PARD3B: variants seen among roughly 807,000 people sequenced by gnomAD.
PARD3B encodes partitioning defective 3 homolog B.
Under a neutral mutation model 130.2 loss-of-function variants are expected in PARD3B, and 103 were observed. That is an observed-to-expected ratio of 0.79 (90% CI 0.67 to 0.93). PARD3B has a LOEUF of 0.93. PARD3B is among the 40% of genes least tolerant of loss of function. The pLI is 0.00. For synonymous variants in PARD3B, 583 were observed against 553.2 expected, an observed-to-expected ratio of 1.05 and a Z score of -0.76; for missense variants, 1,609 against 1,499.2, an observed-to-expected ratio of 1.07 and a Z score of -1.21.
intron 2 of PARD3B, 125 bp from the exon 3 acceptor site, chr2:204,965,027 A>T (rs1232423362): frequency 5.2e-6 from 4 of 775,908 alleles, no homozygotes; most frequent in Non-Finnish European, 8.1e-6. Context: ...GTATAGTAAC[A>T]TTAACATTTT....
intron 2 of PARD3B, among the ~76,000 whole-genome samples, chr2:204,859,113 A>G (rs1465130636): frequency 2.0e-5 from 3 of 152,106 alleles, no homozygotes; most frequent in Non-Finnish European, 2.9e-5. Context: ...AGGCAAAAAA[A>G]TATGACATTG....
At position 205,105,216 on chromosome 2, in the gene PARD3B, A is replaced by G. The variant is rs978411062; in HGVS notation, c.593+702A>G. ...GTATTAAAATCTTATTCAGAGGGTT[A>G]GTATGGGTATTAAATGAGTTAATAC... is the stretch of plus-strand genomic sequence containing the variant. On this transcript the variant is annotated intron_variant, in intron 5 of 22. Coordinates refer to ENST00000406610, the MANE Select transcript of PARD3B (RefSeq NM_001302769.2). The surrounding 1 kb of genome is among the most constrained non-coding windows in gnomAD (Gnocchi z 4.0). Among the ~76,000 whole-genome samples the G allele has an allele frequency of 6.6e-6, 1 of 152,238 alleles. No homozygotes were observed. Among genetic ancestry groups the G allele is most frequent in the African/African-American group, 2.4e-5 (1 of 41,464 alleles).
At chr2:204,815,101 C>T (rs2043099810) in intron 2 of PARD3B, among the ~76,000 whole-genome samples, 1 of 151,736 alleles carries the variant, frequency 6.6e-6, no homozygotes, top group African/African-American at 2.4e-5. Context: ...TTCTCATATA[C>T]TTTTCTGGAA....
At chr2:205,362,173 A>C (rs908353227) in intron 18 of PARD3B, among the ~76,000 whole-genome samples, 2 of 152,198 alleles carry the variant, frequency 1.3e-5, no homozygotes, top group African/African-American at 4.8e-5. Context: ...GCTGACTCAG[A>C]TGTTTTATAT....
chr2:204,809,946 T>C (rs770545000), intron 2 of PARD3B, among the ~76,000 whole-genome samples: 6 of 152,130 alleles, frequency 3.9e-5, no homozygotes, highest in Non-Finnish European at 8.8e-5. Flanking sequence ...ATTGTAGAGA[T>C]CTTTCACCTC....
chr2:205,190,461 C>G (rs1251667853), intron 14 of PARD3B, among the ~76,000 whole-genome samples: 3 of 152,134 alleles, frequency 2.0e-5, no homozygotes, highest in Non-Finnish European at 4.4e-5. Flanking sequence ...AAAAGCAAAC[C>G]TAAAATGTAA....
chr2:205,033,075 C>T (rs1457605794), intron 3 of PARD3B, among the ~76,000 whole-genome samples: 2 of 152,158 alleles, frequency 1.3e-5, no homozygotes, highest in Non-Finnish European at 2.9e-5. Flanking sequence ...GTTCTCAACT[C>T]ACTGGGGGCT....
chr2:205,108,435 G>A (rs971766), intron 5 of PARD3B, among the ~76,000 whole-genome samples: 149,956 of 152,232 alleles, frequency 0.99, 73,907 homozygotes, highest in Middle Eastern at 1. Context: ...TCTGTCTCCT[G>A]TACACAGCAC....
chr2:205,584,475 C>T lies in PARD3B; in HGVS notation c.3261-30981C>T, dbSNP rs1183779503. Among the ~76,000 whole-genome samples, 5 of 152,186 alleles carry T rather than the reference C, an allele frequency of 3.3e-5. No homozygotes were observed. Among genetic ancestry groups the T allele is most frequent in the South Asian group, 4.2e-4 (2 of 4,810 alleles). On this transcript the variant is annotated intron_variant, in intron 22 of 22. Coordinates refer to ENST00000406610, the MANE Select transcript of PARD3B (RefSeq NM_001302769.2). The surrounding 1 kb of genome is among the most constrained non-coding windows in gnomAD (Gnocchi z 5.5). ...GGCCGATCACCTGACGTCAGGAGTT[C>T]GAGACCAGGCTGGCCAACATAGCGA...
At chr2:204,722,342 G>A (rs2039033984) in intron 2 of PARD3B, among the ~76,000 whole-genome samples, 1 of 152,122 alleles carries the variant, frequency 6.6e-6, no homozygotes. Context: ...TGTCTTTCTT[G>A]TATCTTGGGA....
chr2:205,155,539 T>C (rs1021400008), intron 10 of PARD3B, among the ~76,000 whole-genome samples: 2 of 152,228 alleles, frequency 1.3e-5, no homozygotes, highest in Non-Finnish European at 2.9e-5. Context: ...ATAAAAAAAT[T>C]TTGATTTGTC....
chr2:205,030,650 T>A (rs895097903), intron 3 of PARD3B, among the ~76,000 whole-genome samples: 2 of 152,142 alleles, frequency 1.3e-5, no homozygotes, highest in East Asian at 3.8e-4. Context: ...ATTAAAAGAC[T>A]GTTTGATACC....
Position 205,315,958 on chromosome 2 carries a change from C to T in PARD3B, c.2630+14257C>T, listed in dbSNP as rs565124257. On this transcript the variant is annotated intron_variant, in intron 18 of 22. Transcript: ENST00000406610. ...CTTGGTTTTTAGTTTTGAGTTTACACATCTGTCTCGTGCCCTTAATGAAAT... is the reference window on the plus strand; with the variant it reads ...CTTGGTTTTTAGTTTTGAGTTTACATATCTGTCTCGTGCCCTTAATGAAAT... Among the ~76,000 whole-genome samples, 4 of 152,248 alleles carry T rather than the reference C, an allele frequency of 2.6e-5. No individual in the cohort carries two copies. In the East Asian group the frequency reaches 7.7e-4, roughly 29 times the overall value.
chr2:204,776,559 A>G (rs746649046), intron 2 of PARD3B, among the ~76,000 whole-genome samples: 3 of 151,986 alleles, frequency 2.0e-5, no homozygotes, highest in Non-Finnish European at 2.9e-5. Context: ...CAAAAGCAGA[A>G]TTGTGTGGAT....
At position 205,564,826 on chromosome 2, in the gene PARD3B, G is replaced by A. The variant is rs563532992; in HGVS notation, c.3260+11423G>A. On this transcript the variant is annotated intron_variant, in intron 22 of 22. Transcript: ENST00000406610. This position sits in a 1 kb window ranked among gnomAD's most constrained non-coding sequence, Gnocchi z 4.6. ...AACATTTGTGGTACAAATGTGAGAG[G>A]GGTTGGTACAAAAACAGCAGCCTCC... Among the ~76,000 whole-genome samples, 1 of 152,264 alleles carries A rather than the reference G, an allele frequency of 6.6e-6. No individual in the cohort carries two copies. Among genetic ancestry groups the A allele is most frequent in the Non-Finnish European group, 1.5e-5 (1 of 68,022 alleles).
chr2:205,093,863 G>A (rs1319033810), intron 4 of PARD3B, among the ~76,000 whole-genome samples: 1 of 152,164 alleles, frequency 6.6e-6, no homozygotes, highest in Non-Finnish European at 1.5e-5. Context: ...CTTTTGCAGA[G>A]TCTCTCCTAA....
At chr2:204,797,677 A>T (rs545801492) in intron 2 of PARD3B, among the ~76,000 whole-genome samples, 2 of 152,226 alleles carry the variant, frequency 1.3e-5, no homozygotes, top group Non-Finnish European at 2.9e-5. Flanking sequence ...TAAAATACAT[A>T]TATTTTATAT....
At chr2:204,690,695 G>C (rs1489216238) in intron 2 of PARD3B, among the ~76,000 whole-genome samples, 1 of 152,138 alleles carries the variant, frequency 6.6e-6, no homozygotes, top group East Asian at 1.9e-4. Context: ...TTAACTGTCA[G>C]ATAATAAATT....
chr2:204,848,200 A>G (rs942891600), intron 2 of PARD3B, among the ~76,000 whole-genome samples: 2 of 152,208 alleles, frequency 1.3e-5, no homozygotes, highest in East Asian at 3.8e-4. Flanking sequence ...AGGAATAAAC[A>G]TAGTATATAT....
Sources: gnomAD v4.1 joint callset for allele counts (sites outside exome capture counted in the v4.1 genomes callset) on GRCh38, gnomAD v4.1.1 for gene constraint, Gnocchi (gnomAD v3.1) non-coding constraint, MANE v1.5 for transcripts, NCBI Gene and HGNC (gene_info 2026-07-23, HGNC 2026-07-21) for gene names.